Variants in OTOGL observed in about 807,000 individuals in gnomAD.
OTOGL encodes otogelin-like protein.
A neutral mutation model predicts 318.5 loss-of-function variants in OTOGL; 285 were observed. That is an observed-to-expected ratio of 0.89 (90% CI 0.81 to 0.99). The LOEUF (loss-of-function observed/expected upper bound fraction) is 0.99. Ranked by LOEUF, OTOGL falls within the 50% of genes least tolerant of loss-of-function variation. The pLI is 0.00. For missense variants in OTOGL, 2,899 were observed against 2,845.6 expected, an observed-to-expected ratio of 1.02 and a Z score of -0.43; for synonymous variants, 987 against 936.5, an observed-to-expected ratio of 1.05 and a Z score of -0.99.
At chr12:80,309,009 A>C (rs1886451152) in intron 29 of OTOGL, among the ~76,000 whole-genome samples, 1 of 133,464 alleles carries the variant, frequency 7.5e-6, no homozygotes. Context: ...AGGGAGAGGG[A>C]GAGAAGAAGT....
intron 11 of OTOGL, among the ~76,000 whole-genome samples, chr12:80,243,984 C>G (rs558855299): frequency 6.6e-6 from 1 of 150,570 alleles, no homozygotes; most frequent in Non-Finnish European, 1.5e-5. Context: ...ACAAACTAGG[C>G]GCAGAAATCC....
chr12:80,322,821 C>T (rs894867955), intron 34 of OTOGL, among the ~76,000 whole-genome samples: 1 of 152,136 alleles, frequency 6.6e-6, no homozygotes, highest in African/African-American at 2.4e-5. Flanking sequence ...TGGTACAAGG[C>T]AACGTGCTAA....
chr12:80,312,139 A>C (rs1886673934), intron 30 of OTOGL, among the ~76,000 whole-genome samples: 1 of 152,234 alleles, frequency 6.6e-6, no homozygotes, highest in Admixed American at 6.5e-5. Flanking sequence ...GTTTTGATAT[A>C]GTGTCAAAGA....
At chr12:80,343,526 T>TTC (rs1555301045) in intron 44 of OTOGL, 1 of 118,176 alleles carries the variant, frequency 8.5e-6, no homozygotes, top group African/African-American at 4.6e-5. Flanking sequence ...TTTTTTTTTT[T>TTC]TTTTTTTTTT....
In OTOGL at chr12:80,135,104, A is replaced by G. The variant is rs376053509; in HGVS notation, c.-20+35499A>G. 1.1e-4 allele frequency among the ~76,000 whole-genome samples: 16 copies of G among 151,784 alleles called. 1 individual carries two copies. The highest frequency in any genetic ancestry group is 3.1e-4 in the African/African-American group (13 of 41,378). ...CACTTGGACCACAGATGGTGTAGTT[A>G]CCTCTCATAGTCTTCCTTGCTTCTT... On this transcript the variant is annotated intron_variant, in intron 1 of 58. Coordinates refer to ENST00000547103, the MANE Select transcript of OTOGL (RefSeq NM_001378609.3).
At chr12:80,286,664 G>A (rs1350246194) in intron 26 of OTOGL, among the ~76,000 whole-genome samples, 3 of 152,162 alleles carry the variant, frequency 2.0e-5, no homozygotes, top group South Asian at 2.1e-4. Flanking sequence ...TTTGGTAGAA[G>A]TGTTTAAAGT....
chr12:80,105,549 G>A (rs1237224817), intron 1 of OTOGL, among the ~76,000 whole-genome samples: 1 of 152,120 alleles, frequency 6.6e-6, no homozygotes, highest in East Asian at 1.9e-4. Context: ...TATCTAAATT[G>A]TTCTAATTAA....
chr12:80,214,201 A>G (rs1328358981), intron 4 of OTOGL, among the ~76,000 whole-genome samples: 1 of 152,234 alleles, frequency 6.6e-6, no homozygotes, highest in Non-Finnish European at 1.5e-5. Context: ...AGGCCCTAAG[A>G]CATAGACTTA....
At chr12:80,341,505 A>G (rs1284468052) in intron 43 of OTOGL, among the ~76,000 whole-genome samples, 1 of 152,200 alleles carries the variant, frequency 6.6e-6, no homozygotes, top group Non-Finnish European at 1.5e-5. Context: ...ATAGTTCCTG[A>G]AAGAAAAATA....
intron 1 of OTOGL, among the ~76,000 whole-genome samples, chr12:80,188,871 AT>A (rs1875486239): frequency 6.6e-6 from 1 of 152,144 alleles, no homozygotes; most frequent in Non-Finnish European, 1.5e-5. Flanking sequence ...CTCTGCTTTA[AT>A]TATTTTATCT....
rs747826713 is a variant in OTOGL, at chr12:80,254,575, T to G, written c.1441+5T>G. The G allele has an allele frequency of 6.2e-7, 1 of 1,601,272 alleles. No homozygotes were observed. ...GCACTGAGCAAGACTGTCCAGGTAA[T>G]TTTTTAAAATGTTTTTATAGAGAAT... On this transcript the variant is annotated splice_donor_5th_base_variant and intron_variant, in intron 15 of 58. Transcript: ENST00000547103.
chr12:80,365,145 C>G (rs561664127), intron 52 of OTOGL, among the ~76,000 whole-genome samples: 1 of 152,154 alleles, frequency 6.6e-6, no homozygotes, highest in South Asian at 2.1e-4. Flanking sequence ...AACAATTTCA[C>G]TCCTAAATAT....
At chr12:80,111,899 T>A (rs1375692483) in intron 1 of OTOGL, among the ~76,000 whole-genome samples, 1 of 152,244 alleles carries the variant, frequency 6.6e-6, no homozygotes, top group Admixed American at 6.5e-5. Context: ...TTTTTCCATT[T>A]GTTTGTGTCC....
intron 1 of OTOGL, among the ~76,000 whole-genome samples, chr12:80,193,413 G>A (rs1875833825): frequency 6.6e-6 from 1 of 152,092 alleles, no homozygotes; most frequent in Non-Finnish European, 1.5e-5. Context: ...TTACTCGGGA[G>A]GCTGAGGCAA....
intron 35 of OTOGL, among the ~76,000 whole-genome samples, chr12:80,327,566 G>A (rs1367580963): frequency 1.3e-5 from 2 of 151,900 alleles, no homozygotes; most frequent in African/African-American, 2.4e-5. Context: ...TAACAGGCAG[G>A]GAGAGCCACT....
At chr12:80,277,125 T>C (rs1375541856) in intron 24 of OTOGL, among the ~76,000 whole-genome samples, 2 of 148,240 alleles carry the variant, frequency 1.3e-5, no homozygotes. Context: ...TTATTATTTG[T>C]TATTTAAGTA....
chr12:80,149,054 C>T (rs931217633), intron 1 of OTOGL, among the ~76,000 whole-genome samples: 15 of 152,252 alleles, frequency 9.9e-5, no homozygotes, highest in South Asian at 2.1e-4. Context: ...TCTCTCAGCT[C>T]GTCAAAGTCG....
intron 9 of OTOGL, among the ~76,000 whole-genome samples, chr12:80,236,353 A>G (rs762426253): frequency 6.6e-6 from 1 of 152,168 alleles, no homozygotes; most frequent in Non-Finnish European, 1.5e-5. Flanking sequence ...CTTAGAGCAT[A>G]TTTTATACAA....
In OTOGL at chr12:80,238,489, TATATTTTTTCGTTTTACGC is replaced by T. The variant is rs1222902599; in HGVS notation, c.818-351_818-333del. Among the ~76,000 whole-genome samples the T allele has an allele frequency of 5.3e-5, 8 of 152,314 alleles. No individual in the cohort carries two copies. In the East Asian group the frequency reaches 5.8e-4, roughly 11 times the overall value. On this transcript the variant is annotated intron_variant, in intron 9 of 58. Coordinates refer to ENST00000547103, the MANE Select transcript of OTOGL (RefSeq NM_001378609.3). ...CCTGATAATTTTTACACTAAACGTT[TATATTTTTTCGTTTTACGC>T]ATATTTTTTCTCCTTTCAACAGCAC...
Sources: gnomAD v4.1 joint callset for allele counts (sites outside exome capture counted in the v4.1 genomes callset) on GRCh38, gnomAD v4.1.1 for gene constraint, MANE v1.5 for transcripts, NCBI Gene and HGNC (gene_info 2026-07-23, HGNC 2026-07-21) for gene names.